SYCP2L: variants seen among roughly 807,000 people sequenced by gnomAD.
SYCP2L encodes the protein synaptonemal complex protein 2-like.
A neutral mutation model predicts 125.8 loss-of-function variants in SYCP2L; 98 were observed. The ratio of observed to expected loss-of-function variants is 0.78; its 90% CI spans 0.66 to 0.92. The LOEUF (loss-of-function observed/expected upper bound fraction) is 0.92. SYCP2L is among the 40% of genes least tolerant of loss of function. The pLI, the probability that SYCP2L is intolerant of heterozygous loss-of-function variation, is 0.00. For missense variants in SYCP2L, 842 were observed against 936.4 expected (o/e 0.90, Z 1.32); for synonymous variants, 317 against 325.4 (o/e 0.97, Z 0.28).
intron 14 of SYCP2L, among the ~76,000 whole-genome samples, chr6:10,915,902 T>C (rs1341762680): frequency 2.0e-5 from 3 of 152,210 alleles, no homozygotes; most frequent in Admixed American, 6.5e-5. Flanking sequence ...TTGGCACCAA[T>C]TCTTCTCTGA....
chr6:10,973,361 C>T (rs1359694946), intron 29 of SYCP2L, among the ~76,000 whole-genome samples: 1 of 152,112 alleles, frequency 6.6e-6, no homozygotes, highest in African/African-American at 2.4e-5. Flanking sequence ...GGCGAAACCC[C>T]GTCTCTACTA....
At chr6:10,909,407 C>A (rs928951981) in intron 10 of SYCP2L, among the ~76,000 whole-genome samples, 1 of 152,142 alleles carries the variant, frequency 6.6e-6, no homozygotes, top group African/African-American at 2.4e-5. Flanking sequence ...GGATTACAGG[C>A]GAGAGCCACC....
chr6:10,973,013 G>T (rs1781800868), intron 29 of SYCP2L, among the ~76,000 whole-genome samples: 1 of 152,218 alleles, frequency 6.6e-6, no homozygotes, highest in Non-Finnish European at 1.5e-5. Flanking sequence ...CTGTTAATAA[G>T]GAAACAGGGG....
intron 29 of SYCP2L, among the ~76,000 whole-genome samples, chr6:10,964,119 G>A (rs960470658): frequency 3.3e-5 from 5 of 151,882 alleles, no homozygotes; most frequent in Non-Finnish European, 7.4e-5. Context: ...CACCACGCCC[G>A]GCTAATTTTT....
chr6:10,946,482 C>T (rs1414061955), intron 23 of SYCP2L, among the ~76,000 whole-genome samples: 2 of 152,050 alleles, frequency 1.3e-5, no homozygotes, highest in African/African-American at 2.4e-5. Flanking sequence ...CATTGGCCTA[C>T]CCCAACCACA....
chr6:10,940,202 T>C (rs1468499068), intron 21 of SYCP2L, among the ~76,000 whole-genome samples: 3 of 152,316 alleles, frequency 2.0e-5, no homozygotes, highest in Non-Finnish European at 4.4e-5. Context: ...GGCAAGGGTA[T>C]GGAGAGAAGG....
At chr6:10,900,879 GT>G (rs1780365070) in intron 6 of SYCP2L, among the ~76,000 whole-genome samples, 3 of 152,180 alleles carry the variant, frequency 2.0e-5, no homozygotes, top group Admixed American at 2.0e-4. Flanking sequence ...GAAGTGACAG[GT>G]TTTCACATGT....
At chr6:10,919,907 G>C (rs1015641526) in intron 14 of SYCP2L, among the ~76,000 whole-genome samples, 4 of 152,124 alleles carry the variant, frequency 2.6e-5, no homozygotes, top group African/African-American at 9.7e-5. Context: ...CCAAAGGGCC[G>C]GTCTCACTCC....
chr6:10,898,989 A>G (rs1780331634), intron 6 of SYCP2L, 141 bp downstream of exon 6: 1 of 612,378 alleles, frequency 1.6e-6, no homozygotes, highest in Non-Finnish European at 3.0e-6. Flanking sequence ...TATGGTCATC[A>G]TAGTGTCATT....
intron 14 of SYCP2L, among the ~76,000 whole-genome samples, chr6:10,914,801 C>T (rs1263255522): frequency 1.5e-5 from 2 of 137,712 alleles, no homozygotes; most frequent in Admixed American, 7.8e-5. Context: ...GGAGTGAGTA[C>T]AGTGGTGTGA....
rs1780933416 is a variant in SYCP2L at position 10,928,256 on chromosome 6, C to A, written c.1441-147C>A. 3 of 481,846 alleles carry A rather than the reference C, an allele frequency of 6.2e-6. No homozygotes were observed. The East Asian group carries it at 1.1e-4, about 18-fold the overall frequency. The allele number at this position is 481,846 out of a possible 1,614,324, so 29.8% of individuals were successfully genotyped here. ...GGGTATCACAAGGCATAGGAAATCA[C>A]AAGGGGAAGTGATAAGTGTCCATGA... On this transcript the variant is annotated intron_variant, in intron 17 of 29. Coordinates refer to ENST00000283141, the MANE Select transcript of SYCP2L (RefSeq NM_001040274.3).
chr6:10,957,751 A>G (rs1036387972), intron 25 of SYCP2L, among the ~76,000 whole-genome samples: 6 of 152,194 alleles, frequency 3.9e-5, no homozygotes, highest in Non-Finnish European at 4.4e-5. Context: ...CAGCAGTTCA[A>G]GGTTACAGTG....
At position 10,902,855 on chromosome 6, in the gene SYCP2L, G is replaced by C; in HGVS notation, c.553-20G>C. On this transcript the variant is annotated intron_variant, in intron 7 of 29. Transcript: ENST00000283141. The stretch of plus-strand genomic sequence containing the variant: ...TCTGTTTTCTTTCTTCTCCATGAAT[G>C]TCTTCTCAATTCCAAAAAGGGCTTG... 6.2e-7 allele frequency: 1 copy of C among 1,613,424 alleles called. No individual in the cohort carries two copies. The highest frequency in any genetic ancestry group is 8.5e-7 in the Non-Finnish European group (1 of 1,179,548).
rs1471478593 is a variant in SYCP2L, at chr6:10,973,935, T to G, written c.*38-17T>G. On this transcript the variant is annotated splice_polypyrimidine_tract_variant and intron_variant, in intron 29 of 29. Transcript: ENST00000283141. ...CGGCCTTGACTAATTACTGCTCTCC[T>G]TTTCCTTTTCTGCCAGCCTGGGCTG... 1.3e-5 allele frequency: 2 copies of G among 152,258 alleles called. No homozygotes were observed. Among genetic ancestry groups the G allele is most frequent in the Non-Finnish European group, 2.9e-5 (2 of 68,062 alleles). The allele number at this position is 152,258 out of a possible 1,614,324, so 9.4% of individuals were successfully genotyped here. A position where few individuals can be genotyped will look rare whatever the true frequency, so the allele number is the denominator to read the frequency against.
intron 26 of SYCP2L, among the ~76,000 whole-genome samples, chr6:10,960,240 T>G (rs1420777218): frequency 1.3e-5 from 2 of 152,194 alleles, no homozygotes; most frequent in African/African-American, 2.4e-5. Flanking sequence ...TAGGATGGAA[T>G]ACATTATTTG....
chr6:10,918,067 G>A (rs544220711), intron 14 of SYCP2L, among the ~76,000 whole-genome samples: 30 of 152,058 alleles, frequency 2.0e-4, no homozygotes, highest in Admixed American at 1.5e-3. Context: ...TTGTCTCACT[G>A]CTCTCAAGAT....
chr6:10,932,550 G>C (rs1781014264), intron 20 of SYCP2L, among the ~76,000 whole-genome samples: 1 of 150,936 alleles, frequency 6.6e-6, no homozygotes, highest in Non-Finnish European at 1.5e-5. Flanking sequence ...CATCAGCCTG[G>C]AGTGTGTTGC....
chr6:10,887,561 A>T (rs1200781462), intron 1 of SYCP2L, among the ~76,000 whole-genome samples: 1 of 152,098 alleles, frequency 6.6e-6, no homozygotes, highest in Non-Finnish European at 1.5e-5. Flanking sequence ...AGCTACAATT[A>T]TTACTTATCA....
intron 21 of SYCP2L, among the ~76,000 whole-genome samples, chr6:10,935,448 G>A (rs1781075728): frequency 6.6e-6 from 1 of 152,080 alleles, no homozygotes; most frequent in African/African-American, 2.4e-5. Context: ...ATGATGACCT[G>A]TAGCAGGGGT....
Sources: gnomAD v4.1 joint callset for allele counts (sites outside exome capture counted in the v4.1 genomes callset) on GRCh38, gnomAD v4.1.1 for gene constraint, MANE v1.5 for transcripts, NCBI Gene and HGNC (gene_info 2026-07-23, HGNC 2026-07-21) for gene names.